The following HERC2 variants were observed in gnomAD, a reference collection of about 807,000 sequenced individuals.
The protein encoded by HERC2 is HECT and RLD domain containing E3 ubiquitin protein ligase 2.
Under a neutral mutation model 537.7 loss-of-function variants are expected in HERC2, and 102 were observed. That is an observed-to-expected ratio of 0.19 (90% CI 0.16 to 0.22). The LOEUF (loss-of-function observed/expected upper bound fraction) is 0.22. Ranked by LOEUF, HERC2 falls within the 10% of genes least tolerant of loss-of-function variation. HERC2 has a pLI of 1.00. For missense variants in HERC2, 4,236 were observed against 6,198.2 expected (o/e 0.68, Z 10.63); for synonymous variants, 2,224 against 2,466.2 (o/e 0.90, Z 2.91).
Position 28,125,014 on chromosome 15 carries a change from G to C in HERC2, c.12982C>G (p.Pro4328Ala). Residue 4328 changes from proline (P) to alanine (A), a missense_variant, in exon 84 of 93, where the codon CCT becomes GCT. Physicochemically the swap from Pro to Ala is conservative, Grantham distance 27 (BLOSUM62 -1). Coordinates refer to ENST00000261609, the MANE Select transcript of HERC2 (RefSeq NM_004667.6). ...TSKPASAGKLPAQVPMEYNHL... is the reference protein window; with the variant it reads ...TSKPASAGKLAAQVPMEYNHL... The stretch of plus-strand genomic sequence containing the variant: ...AACCTGCCCGGACTCACCTGTGCAG[G>C]GAGTTTGCCAGCACTGGCGGGCTTG... 1 of 1,600,254 alleles carries C rather than the reference G, an allele frequency of 6.2e-7. No homozygotes were observed. The highest frequency in any genetic ancestry group is 8.6e-7 in the Non-Finnish European group (1 of 1,168,382).
intron 2 of HERC2, among the ~76,000 whole-genome samples, chr15:28,319,950 C>T (rs1395476485): frequency 2.0e-5 from 3 of 152,190 alleles, no homozygotes; most frequent in Admixed American, 2.0e-4. Context: ...ACTCATCTCT[C>T]ACCTCTCCCA....
rs145795772 is a variant in HERC2 at position 28,291,730 on chromosome 15, A to G, written c.322+1158T>C. On this transcript the variant is annotated intron_variant, in intron 4 of 92. Coordinates refer to ENST00000261609, the MANE Select transcript of HERC2 (RefSeq NM_004667.6). ...TGATAAAGAACTCCTATAACCCAAA[A>G]CAAAAACCTCAATTAAAAAATGGAA... Among the ~76,000 whole-genome samples, 5 of 151,966 alleles carry G rather than the reference A, an allele frequency of 3.3e-5. No individual in the cohort carries two copies. The East Asian group carries it at 9.7e-4, about 29-fold the overall frequency.
rs1381155873 is a variant in HERC2 at position 28,142,290 on chromosome 15, A to G, written c.11648T>C (p.Val3883Ala). 1 of 1,614,244 alleles carries G rather than the reference A, an allele frequency of 6.2e-7. No homozygotes were observed. Among genetic ancestry groups the G allele is most frequent in the East Asian group, 2.2e-5 (1 of 44,880 alleles). Residue 3883 changes from valine (V) to alanine (A), a missense_variant, in exon 76 of 93, where the codon GTT becomes GCT. This residue lies in a region of HERC2 where 156 missense variants were observed against 172.3 expected (regional missense o/e 0.91). Transcript: ENST00000261609. The part of the protein sequence containing the change: ...WFRRYCMASR[V>A]AVALDKRTPL... ...TGTTCTTTTGTCAAGGGCCACAGCA[A>G]CACGGGAGGCCATGCAGTACCTCCG...
At chr15:28,282,156 G>A (rs78143828) in intron 4 of HERC2, among the ~76,000 whole-genome samples, 1,757 of 152,254 alleles carry the variant, frequency 0.012, 29 homozygotes, top group African/African-American at 0.04. Flanking sequence ...CCTGGACTTC[G>A]TCTCCAGCTG....
intron 2 of HERC2, among the ~76,000 whole-genome samples, chr15:28,308,326 G>T (rs2076848545): frequency 6.6e-6 from 1 of 152,148 alleles, no homozygotes; most frequent in Non-Finnish European, 1.5e-5. Flanking sequence ...CTATAAATGG[G>T]ATTACTTTTC....
chr15:28,147,192 A>C (rs1298434556), intron 70 of HERC2, among the ~76,000 whole-genome samples: 1 of 152,128 alleles, frequency 6.6e-6, no homozygotes, highest in Non-Finnish European at 1.5e-5. Context: ...CAGAGAAAAC[A>C]GGATTTGCTG....
In HERC2 at chr15:28,189,339, T is replaced by C. The variant is rs189044639; in HGVS notation, c.8649+1626A>G. ...TAAAGATATCTTTTACGAATGATAA[T>C]CTCCATTGTTGATTTAATTACTTAG... On this transcript the variant is annotated intron_variant, in intron 55 of 92. Coordinates refer to ENST00000261609, the MANE Select transcript of HERC2 (RefSeq NM_004667.6). 2.6e-3 allele frequency among the ~76,000 whole-genome samples: 389 copies of C among 152,328 alleles called. 1 individual carries two copies. Among genetic ancestry groups the C allele is most frequent in the African/African-American group, 8.9e-3 (369 of 41,586 alleles).
chr15:28,232,575 C>T (rs966111310), intron 30 of HERC2, among the ~76,000 whole-genome samples: 28 of 151,700 alleles, frequency 1.8e-4, no homozygotes, highest in Non-Finnish European at 3.5e-4. Context: ...AGAATATAAT[C>T]AGAAATTTCT....
At chr15:28,166,599 G>C (rs1247698256) in intron 68 of HERC2, among the ~76,000 whole-genome samples, 1 of 152,208 alleles carries the variant, frequency 6.6e-6, no homozygotes, top group Non-Finnish European at 1.5e-5. Flanking sequence ...GGGAGGGTAG[G>C]TGAAAGATAA....
intron 70 of HERC2, 99 bp downstream of exon 70, chr15:28,152,578 A>G (rs1892565714): frequency 1.1e-5 from 12 of 1,099,054 alleles, no homozygotes; most frequent in Non-Finnish European, 1.0e-5. Context: ...ACTTCTTTTT[A>G]TAAAATGGAG....
At chr15:28,273,050 G>T in intron 7 of HERC2, 46 bp from the exon 8 acceptor site, 1 of 1,343,864 alleles carries the variant, frequency 7.4e-7, no homozygotes, top group Non-Finnish European at 1.1e-6. Context: ...CCTCCAGAAA[G>T]ACAGCATGCT....
intron 36 of HERC2, among the ~76,000 whole-genome samples, chr15:28,221,497 G>A (rs1369401777): frequency 1.4e-5 from 2 of 145,708 alleles, no homozygotes; most frequent in Non-Finnish European, 3.0e-5. Flanking sequence ...ATGGGAAGGT[G>A]AACACTGCCC....
At chr15:28,300,823 C>CAAA (rs57696757) in intron 2 of HERC2, among the ~76,000 whole-genome samples, 9 of 13,158 alleles carry the variant, frequency 6.8e-4, no homozygotes, top group Admixed American at 1.7e-3. Context: ...GACTCCATCT[C>CAAA]AAAAAAAAAA....
Position 28,177,273 on chromosome 15 carries a change from A to C in HERC2, c.9254+146T>G, listed in dbSNP as rs1895378957. 1 of 1,203,216 alleles carries C rather than the reference A, an allele frequency of 8.3e-7. No individual in the cohort carries two copies. Among genetic ancestry groups the C allele is most frequent in the Admixed American group, 2.3e-5 (1 of 44,102 alleles). The allele number at this position is 1,203,216 out of a possible 1,614,324, so 74.5% of individuals were successfully genotyped here. On this transcript the variant is annotated intron_variant, in intron 60 of 92. Transcript: ENST00000261609. This position sits in a 1 kb window ranked among gnomAD's most constrained non-coding sequence, Gnocchi z 5.0. The stretch of plus-strand genomic sequence containing the variant: ...ACTTAAAGCAGAACCGGTGAGACCA[A>C]AACACAAACAACCGTGTTAAAAAAA...
intron 88 of HERC2, 127 bp from the exon 89 acceptor site, chr15:28,115,668 C>A: frequency 1.5e-6 from 1 of 662,416 alleles, no homozygotes; most frequent in South Asian, 1.8e-5. Context: ...CAGCAACACC[C>A]ACATCATAGG....
chr15:28,166,070 G>T (rs1369482339), intron 68 of HERC2, among the ~76,000 whole-genome samples: 2 of 152,114 alleles, frequency 1.3e-5, no homozygotes, highest in African/African-American at 4.8e-5. Context: ...TATGCCAGAA[G>T]AACACATAAA....
intron 5 of HERC2, 141 bp downstream of exon 5, chr15:28,279,926 CA>C: frequency 2.9e-6 from 2 of 678,520 alleles, no homozygotes; most frequent in South Asian, 4.0e-5. Flanking sequence ...CCAGATTATA[CA>C]AAACATACAA....
rs530586460 is a variant in HERC2 at position 28,220,375 on chromosome 15, C to A, written c.5845+77G>T. ...CGTCCTGACATCCCATTCTAAGGCC[C>A]AGATGACAGTGGTGGCAGCCAGCAC... is the stretch of plus-strand genomic sequence containing the variant. On this transcript the variant is annotated intron_variant, in intron 37 of 92. Transcript: ENST00000261609. 3.9e-5 allele frequency: 51 copies of A among 1,313,102 alleles called. 1 individual carries two copies. The South Asian group carries it at 5.9e-4, about 15-fold the overall frequency. 81.3% of individuals were successfully genotyped at this position (1,313,102 alleles called of 1,614,324 possible).
At chr15:28,197,066 T>G (rs1286504805) in intron 50 of HERC2, among the ~76,000 whole-genome samples, 2 of 152,222 alleles carry the variant, frequency 1.3e-5, no homozygotes, top group Non-Finnish European at 2.9e-5. Flanking sequence ...TTGCAAATAT[T>G]TTAACAATCT....
Sources: gnomAD v4.1 joint callset for allele counts (sites outside exome capture counted in the v4.1 genomes callset) on GRCh38, gnomAD v4.1.1 for gene constraint, gnomAD v4.1.1 regional missense constraint, Gnocchi (gnomAD v3.1) non-coding constraint, MANE v1.5 for transcripts, NCBI Gene and HGNC (gene_info 2026-07-23, HGNC 2026-07-21) for gene names.